The following SMAD9 variants were observed in gnomAD, a reference collection of about 807,000 sequenced individuals.
SMAD9 encodes the protein MAD homolog 9.
A neutral mutation model predicts 46.1 loss-of-function variants in SMAD9; 36 were observed. The observed-to-expected ratio is 0.78, with a 90% CI of 0.60 to 1.03. SMAD9 has a LOEUF of 1.03. Ranked by LOEUF, SMAD9 falls within the 50% of genes least tolerant of loss-of-function variation. SMAD9 has a pLI of 0.00. For synonymous variants in SMAD9, 245 were observed against 237.1 expected (o/e 1.03, Z -0.31); for missense variants, 572 against 599.8 (o/e 0.95, Z 0.48).
At chr13:36,875,476 C>A (rs76227854) in intron 2 of SMAD9, among the ~76,000 whole-genome samples, 2,988 of 152,206 alleles carry the variant, frequency 0.02, 96 homozygotes, top group African/African-American at 0.068. Context: ...CCTTATGACA[C>A]CAGAGAACAA....
At chr13:36,870,840 C>G (rs1328754745) in intron 3 of SMAD9, among the ~76,000 whole-genome samples, 2 of 152,122 alleles carry the variant, frequency 1.3e-5, no homozygotes, top group African/African-American at 4.8e-5. Flanking sequence ...ACTCTGTGGT[C>G]ACTATTAAAT....
chr13:36,875,485 A>G (rs2058337559), intron 2 of SMAD9, among the ~76,000 whole-genome samples: 1 of 152,330 alleles, frequency 6.6e-6, no homozygotes, highest in South Asian at 2.1e-4. Context: ...ACCAGAGAAC[A>G]AACATTCAAC....
At chr13:36,888,690 T>A (rs1172382179) in intron 1 of SMAD9, among the ~76,000 whole-genome samples, 1 of 152,008 alleles carries the variant, frequency 6.6e-6, no homozygotes, top group Non-Finnish European at 1.5e-5. Context: ...TGCTCTCAAG[T>A]GGGAAAAAAC....
intron 4 of SMAD9, 62 bp from the exon 5 acceptor site, chr13:36,865,820 ATT>A: frequency 7.2e-7 from 1 of 1,387,392 alleles, no homozygotes; most frequent in Non-Finnish European, 1.0e-6. Context: ...GTAGTTCATG[ATT>A]CCACCAGGAA....
chr13:36,903,729 A>C (rs2058596814), intron 1 of SMAD9, among the ~76,000 whole-genome samples: 1 of 152,194 alleles, frequency 6.6e-6, no homozygotes, highest in Admixed American at 6.5e-5. Context: ...TATAATGCAA[A>C]AGTAACATAG....
At chr13:36,864,052 G>C (rs599084) in intron 5 of SMAD9, among the ~76,000 whole-genome samples, 33,674 of 152,058 alleles carry the variant, frequency 0.22, 4,768 homozygotes, top group African/African-American at 0.4. Flanking sequence ...AGACCAATCT[G>C]CAAAGCTCCT....
chr13:36,914,726 T>C (rs2138713335), intron 1 of SMAD9, among the ~76,000 whole-genome samples: 1 of 152,316 alleles, frequency 6.6e-6, no homozygotes, highest in East Asian at 1.9e-4. Context: ...AATCCCTTTC[T>C]GCGTTACCAT....
At chr13:36,848,950 T>C (rs1313867176) in intron 6 of SMAD9, 131 bp from the exon 7 acceptor site, 3 of 776,972 alleles carry the variant, frequency 3.9e-6, no homozygotes, top group Non-Finnish European at 6.3e-6. Context: ...GGAGAGAACA[T>C]GGCCTCTACC....
intron 5 of SMAD9, among the ~76,000 whole-genome samples, chr13:36,862,331 C>T (rs77403447): frequency 0.022 from 3,319 of 152,178 alleles, 86 homozygotes; most frequent in South Asian, 0.12. Flanking sequence ...AAACAGAGTG[C>T]CATAAAGAAG....
intron 2 of SMAD9, among the ~76,000 whole-genome samples, chr13:36,877,251 A>G (rs948199747): frequency 3.3e-5 from 5 of 152,164 alleles, no homozygotes; most frequent in Admixed American, 3.3e-4. Flanking sequence ...AGTCCCAGCT[A>G]CTCAGGAGGC....
intron 1 of SMAD9, among the ~76,000 whole-genome samples, chr13:36,918,355 T>C (rs944313257): frequency 2.6e-5 from 4 of 152,140 alleles, no homozygotes; most frequent in Admixed American, 2.0e-4. Context: ...TAAGCATAGT[T>C]TGAAACCAGA....
intron 5 of SMAD9, among the ~76,000 whole-genome samples, chr13:36,861,283 G>T (rs146491736): frequency 6.6e-6 from 1 of 152,120 alleles, no homozygotes; most frequent in African/African-American, 2.4e-5. Context: ...TATCTACTGG[G>T]TAGGGGAATG....
rs549804192 is a variant in SMAD9, at chr13:36,872,743, G to A, written c.585C>T (p.His195=). 11 of 1,614,080 alleles carry A rather than the reference G, an allele frequency of 6.8e-6. No individual in the cohort carries two copies. The highest frequency in any genetic ancestry group is 6.7e-5 in the East Asian group (3 of 44,848). ...PCSALPPSPS[H]AFSQSPCTAS... ...CCGTGCACGGGGACTGGGAGAACGCGTGGCTGGGTGAGGGAGGGAGTGCAG... is the reference window on the plus strand; with the variant it reads ...CCGTGCACGGGGACTGGGAGAACGCATGGCTGGGTGAGGGAGGGAGTGCAG... The change falls in exon 3 of 7, where the codon CAC becomes CAT. Residue 195 remains histidine, a synonymous_variant. Coordinates refer to ENST00000379826, the MANE Select transcript of SMAD9 (RefSeq NM_001127217.3).
At chr13:36,883,688 T>C (rs376053520) in intron 1 of SMAD9, among the ~76,000 whole-genome samples, 2 of 152,120 alleles carry the variant, frequency 1.3e-5, no homozygotes, top group Non-Finnish European at 2.9e-5. Flanking sequence ...GAATCGGAAG[T>C]TGCAGTGAGT....
intron 1 of SMAD9, among the ~76,000 whole-genome samples, chr13:36,905,024 G>A (rs1337435000): frequency 2.0e-5 from 3 of 152,154 alleles, no homozygotes; most frequent in Non-Finnish European, 4.4e-5. Context: ...TTATCACACT[G>A]AGCACTGAGG....
chr13:36,879,927 A>G (rs1833155754), intron 1 of SMAD9, 52 bp from the exon 2 acceptor site: 1 of 524,644 alleles, frequency 1.9e-6, no homozygotes, highest in African/African-American at 1.9e-5. Flanking sequence ...ACATTCAGAA[A>G]AAGTTGAAGT....
At chr13:36,899,848 C>T (rs1468392754) in intron 1 of SMAD9, among the ~76,000 whole-genome samples, 3 of 152,228 alleles carry the variant, frequency 2.0e-5, no homozygotes, top group African/African-American at 7.2e-5. Context: ...AGTCTCCCTG[C>T]TTTACACTAG....
chr13:36,867,480 G>A (rs2058246772), intron 3 of SMAD9, 97 bp from the exon 4 acceptor site: 3 of 751,758 alleles, frequency 4.0e-6, no homozygotes, highest in Middle Eastern at 2.4e-4. Context: ...CCTGAGCTTG[G>A]TGGACAGTGC....
intron 5 of SMAD9, among the ~76,000 whole-genome samples, chr13:36,862,586 C>T (rs999121643): frequency 2.6e-5 from 4 of 152,216 alleles, no homozygotes; most frequent in African/African-American, 7.2e-5. Flanking sequence ...AAAGTCCACC[C>T]TTTGTTTAGC....
Sources: gnomAD v4.1 joint callset for allele counts (sites outside exome capture counted in the v4.1 genomes callset) on GRCh38, gnomAD v4.1.1 for gene constraint, MANE v1.5 for transcripts, NCBI Gene and HGNC (gene_info 2026-07-23, HGNC 2026-07-21) for gene names.